The following SKI variants were observed in gnomAD, a reference collection of about 807,000 sequenced individuals.
SKI encodes the protein SKI proto-oncogene.
A neutral mutation model predicts 59.3 loss-of-function variants in SKI; 23 were observed. The ratio of observed to expected loss-of-function variants is 0.39; its 90% CI spans 0.28 to 0.55. The LOEUF (loss-of-function observed/expected upper bound fraction) is 0.55, where lower values mean the gene tolerates loss of function less well. Ranked by LOEUF, SKI falls within the 20% of genes least tolerant of loss-of-function variation. The pLI, the probability that SKI is intolerant of heterozygous loss-of-function variation, is 0.67. For missense variants in SKI, 1,017 were observed against 1,038.9 expected, an observed-to-expected ratio of 0.98 and a Z score of 0.29; for synonymous variants, 673 against 488.6, an observed-to-expected ratio of 1.38 and a Z score of -4.98.
chr1:2,298,234 G>A (rs142445889), intron 1 of SKI, among the ~76,000 whole-genome samples: 2 of 152,318 alleles, frequency 1.3e-5, no homozygotes, highest in Non-Finnish European at 2.9e-5. Flanking sequence ...CACACTGGCC[G>A]CTGGACACTG....
At chr1:2,289,666 G>A (rs1640120742) in intron 1 of SKI, among the ~76,000 whole-genome samples, 4 of 151,938 alleles carry the variant, frequency 2.6e-5, no homozygotes, top group Admixed American at 1.3e-4. Context: ...GCTGGCTGTA[G>A]CGGCTCTCCC....
In SKI at chr1:2,306,793, C is replaced by A; in HGVS notation, c.*28C>A. On this transcript the variant is annotated 3_prime_UTR_variant, in exon 7 of 7. Transcript: ENST00000378536. ...TCCGTGCCTGCCGCCGCAGCGCCGC[C>A]GACAACGCGGGTGCAGGGGGGCGCG... 1 of 1,467,254 alleles carries A rather than the reference C, an allele frequency of 6.8e-7. No individual in the cohort carries two copies. The highest frequency in any genetic ancestry group is 9.0e-7 in the Non-Finnish European group (1 of 1,112,022). The allele number at this position is 1,467,254 out of a possible 1,614,324, so 90.9% of individuals were successfully genotyped here.
At chr1:2,245,574 C>T (rs2100814716) in intron 1 of SKI, among the ~76,000 whole-genome samples, 1 of 151,742 alleles carries the variant, frequency 6.6e-6, no homozygotes, top group Admixed American at 6.6e-5. Context: ...CTCCTGGGCT[C>T]AAGCGATTCT....
At chr1:2,297,069 G>A (rs1290469679) in intron 1 of SKI, among the ~76,000 whole-genome samples, 1 of 152,056 alleles carries the variant, frequency 6.6e-6, no homozygotes. Context: ...GGCATAGGCC[G>A]TCTTCCACTT....
intron 1 of SKI, among the ~76,000 whole-genome samples, chr1:2,254,338 G>A (rs564544869): frequency 1.3e-5 from 2 of 152,296 alleles, no homozygotes; most frequent in East Asian, 3.9e-4. Context: ...CCCCCCGTGG[G>A]TCTTCGTGTC....
rs949500912 is a variant in SKI at position 2,241,788 on chromosome 1, A to G, written c.969+12053A>G. Among the ~76,000 whole-genome samples, 5 of 152,168 alleles carry G rather than the reference A, an allele frequency of 3.3e-5. No individual in the cohort carries two copies. The East Asian group carries it at 9.6e-4, about 29-fold the overall frequency. The stretch of plus-strand genomic sequence containing the variant: ...TCTAAGGAATATGGAATCATAAAAA[A>G]CGCTCACCATGACCCATTACCTTGC... On this transcript the variant is annotated intron_variant, in intron 1 of 6. Transcript: ENST00000378536.
At chr1:2,245,755 C>T (rs576164160) in intron 1 of SKI, among the ~76,000 whole-genome samples, 2 of 147,128 alleles carry the variant, frequency 1.4e-5, no homozygotes, top group East Asian at 2.0e-4. Flanking sequence ...GGATTACAAG[C>T]GTCAGCCACT....
At chr1:2,277,619 C>T (rs571831503) in intron 1 of SKI, among the ~76,000 whole-genome samples, 7 of 152,288 alleles carry the variant, frequency 4.6e-5, no homozygotes, top group Admixed American at 3.3e-4. Flanking sequence ...TCTTCAGCAG[C>T]GTGAAAATGG....
chr1:2,262,022 GCTCCTGAT>G (rs1207818753), intron 1 of SKI, among the ~76,000 whole-genome samples: 6 of 123,132 alleles, frequency 4.9e-5, no homozygotes, highest in Admixed American at 8.5e-5. Context: ...GGACGCCCTC[GCTCCTGAT>G]CTCCTGATCT....
intron 1 of SKI, among the ~76,000 whole-genome samples, chr1:2,233,529 T>A (rs1312437190): frequency 6.6e-6 from 1 of 152,022 alleles, no homozygotes; most frequent in East Asian, 1.9e-4. Flanking sequence ...CAGTGGGCTG[T>A]GGGTTGAGGG....
chr1:2,242,903 C>T (rs918368461), intron 1 of SKI, among the ~76,000 whole-genome samples: 4 of 152,216 alleles, frequency 2.6e-5, no homozygotes, highest in African/African-American at 4.8e-5. Flanking sequence ...TGGCTGTGTT[C>T]TCTGTGGGAA....
At chr1:2,243,586 A>G (rs369070235) in intron 1 of SKI, among the ~76,000 whole-genome samples, 3 of 152,190 alleles carry the variant, frequency 2.0e-5, no homozygotes, top group Non-Finnish European at 4.4e-5. Context: ...GCTGTGGTGC[A>G]CCATGTGGGC....
chr1:2,289,625 G>A (rs1640119414), intron 1 of SKI, among the ~76,000 whole-genome samples: 1 of 150,276 alleles, frequency 6.7e-6, no homozygotes, highest in African/African-American at 2.5e-5. Context: ...GATCGTGGGG[G>A]TGGGGGTGCA....
intron 1 of SKI, among the ~76,000 whole-genome samples, chr1:2,249,306 AG>A (rs1639068360): frequency 6.6e-6 from 1 of 152,196 alleles, no homozygotes; most frequent in Non-Finnish European, 1.5e-5. Flanking sequence ...GTGAGGCTCC[AG>A]GGTCCAGCGT....
chr1:2,247,654 G>A (rs1362164366), intron 1 of SKI, among the ~76,000 whole-genome samples: 1 of 152,174 alleles, frequency 6.6e-6, no homozygotes, highest in Non-Finnish European at 1.5e-5. Context: ...CCTTGCCCTG[G>A]CCACTTGGGG....
chr1:2,304,856 T>TC (rs1640527136), intron 5 of SKI, among the ~76,000 whole-genome samples: 1 of 152,232 alleles, frequency 6.6e-6, no homozygotes, highest in Non-Finnish European at 1.5e-5. Flanking sequence ...CCCATCAGGA[T>TC]CACACACCCT....
rs755862763 is a variant in SKI at position 2,303,062 on chromosome 1, C to T, written c.1054C>T (p.Pro352Ser). ...CCCCGCGCCTTCCGAAAAGGACAAGCCGTCCAGCTGGCTGCGGACCTTGGC... is the reference window on the plus strand; with the variant it reads ...CCCCGCGCCTTCCGAAAAGGACAAGTCGTCCAGCTGGCTGCGGACCTTGGC... ...QSPAPSEKDKPSSWLRTLAGS... is the reference protein window; with the variant it reads ...QSPAPSEKDKSSSWLRTLAGS... The change falls in exon 2 of 7, where the codon CCG becomes TCG. Residue 352 changes from proline (P) to serine (S), a missense_variant. Coordinates refer to ENST00000378536, the MANE Select transcript of SKI (RefSeq NM_003036.4). The surrounding 1 kb of genome is among the most constrained non-coding windows in gnomAD (Gnocchi z 5.6). 6.2e-7 allele frequency: 1 copy of T among 1,613,662 alleles called. No individual in the cohort carries two copies. Among genetic ancestry groups the T allele is most frequent in the South Asian group, 1.1e-5 (1 of 91,090 alleles).
chr1:2,283,177 C>T (rs1639947639), intron 1 of SKI, among the ~76,000 whole-genome samples: 1 of 152,250 alleles, frequency 6.6e-6, no homozygotes, highest in African/African-American at 2.4e-5. Flanking sequence ...GGGTCCCAGG[C>T]TGGGTTCCGA....
intron 1 of SKI, among the ~76,000 whole-genome samples, chr1:2,234,218 C>A (rs1638703818): frequency 6.6e-6 from 1 of 152,168 alleles, no homozygotes; most frequent in South Asian, 2.1e-4. Context: ...TCTGCCCACC[C>A]CAGCTGGCTG....
Sources: allele counts gnomAD v4.1 joint callset (sites outside exome capture counted in the v4.1 genomes callset), GRCh38; gene constraint gnomAD v4.1.1; non-coding constraint Gnocchi (gnomAD v3.1); transcripts MANE v1.5; gene names NCBI Gene and HGNC (gene_info 2026-07-23, HGNC 2026-07-21).